FRMPD1: variants seen among roughly 807,000 people sequenced by gnomAD.
FRMPD1 encodes FERM and PDZ domain containing 1, also known as FERM and PDZ domain-containing protein 1.
Under a neutral mutation model 117.8 loss-of-function variants are expected in FRMPD1, and 76 were observed. The ratio of observed to expected loss-of-function variants is 0.65; its 90% CI spans 0.54 to 0.78. The LOEUF (loss-of-function observed/expected upper bound fraction) is 0.78, where lower values mean the gene tolerates loss of function less well. FRMPD1 is among the 30% of genes least tolerant of loss of function. The pLI, the probability that FRMPD1 is intolerant of heterozygous loss-of-function variation, is 0.00. For missense variants in FRMPD1, 1,786 were observed against 1,964.5 expected (o/e 0.91, Z 1.72); for synonymous variants, 783 against 770.4 (o/e 1.02, Z -0.27).
chr9:37,645,221 C>G, the FRMPD1 span, among the ~76,000 whole-genome samples: 1 of 152,040 alleles, frequency 6.6e-6, no homozygotes, highest in African/African-American at 2.4e-5. Flanking sequence ...AGATTTATCA[C>G]TTAAGGAATG....
At chr9:37,698,165 G>T (rs757033125) in intron 2 of FRMPD1, among the ~76,000 whole-genome samples, 1 of 152,042 alleles carries the variant, frequency 6.6e-6, no homozygotes, top group African/African-American at 2.4e-5. Flanking sequence ...CTTTTCCTTC[G>T]CAATTTCTTT....
At chr9:37,655,575 C>T (rs1820817248) in intron 1 of FRMPD1, among the ~76,000 whole-genome samples, 1 of 146,408 alleles carries the variant, frequency 6.8e-6, no homozygotes, top group Admixed American at 7.0e-5. Context: ...GCGATCTCGG[C>T]TCACTGCAAC....
intron 15 of FRMPD1, among the ~76,000 whole-genome samples, chr9:37,742,936 C>A (rs1419623083): frequency 6.6e-6 from 1 of 152,142 alleles, no homozygotes; most frequent in East Asian, 1.9e-4. Context: ...CCTTATAGAT[C>A]CCTAGGCCCT....
chr9:37,670,256 C>A (rs372467234), intron 1 of FRMPD1, among the ~76,000 whole-genome samples: 1 of 151,968 alleles, frequency 6.6e-6, no homozygotes, highest in East Asian at 1.9e-4. Flanking sequence ...CTGGGGGAGA[C>A]GTATTCGAGT....
chr9:37,740,897 T>G lies in FRMPD1; in HGVS notation c.2356+13T>G. The G allele has an allele frequency of 6.2e-7, 1 of 1,607,264 alleles. No individual in the cohort carries two copies. ...GGCCCCCCGTCAGGTGAGCCGTCCC[T>G]TGCAGGTCTGCAGACACGGCAGGCA... On this transcript the variant is annotated intron_variant, in intron 15 of 15. Coordinates refer to ENST00000377765, the MANE Select transcript of FRMPD1 (RefSeq NM_014907.3). The surrounding 1 kb of genome is among the most constrained non-coding windows in gnomAD (Gnocchi z 4.2).
At chr9:37,701,444 A>G (rs17507277) in intron 2 of FRMPD1, among the ~76,000 whole-genome samples, 21,157 of 151,902 alleles carry the variant, frequency 0.14, 1,680 homozygotes, top group Middle Eastern at 0.19. Context: ...GGGCAGGTAG[A>G]CAGCATGATT....
intron 1 of FRMPD1, among the ~76,000 whole-genome samples, chr9:37,670,923 T>C (rs10973481): frequency 0.1 from 15,883 of 152,278 alleles, 1,259 homozygotes; most frequent in African/African-American, 0.22. Context: ...GCATAGTTTA[T>C]TGTCTGGGGA....
chr9:37,661,668 G>A (rs1339189593), intron 1 of FRMPD1: 1 of 152,236 alleles, frequency 6.6e-6, no homozygotes, highest in African/African-American at 2.4e-5. Flanking sequence ...ACCTCTCTGT[G>A]TGAATTTGAA....
Position 37,745,006 on chromosome 9 carries a change from C to T in FRMPD1, c.2974C>T (p.Leu992=), listed in dbSNP as rs1824623304. The stretch of plus-strand genomic sequence containing the variant: ...GGCAAGGCCTTCCCAAATCTTACCT[C>T]TATCTCAAGACCTGGATGGGATTGC... ...AQARPSQILP[L]SQDLDGIAPK... is the part of the protein sequence containing the mutation. Residue 992 remains leucine (L), a synonymous_variant, in exon 16 of 16, where the codon CTA becomes TTA. Transcript: ENST00000377765. The T allele has an allele frequency of 1.2e-6, 2 of 1,614,230 alleles. No homozygotes were observed. The highest frequency in any genetic ancestry group is 2.2e-5 in the South Asian group (2 of 91,088).
At chr9:37,670,106 C>G (rs1049225640) in intron 1 of FRMPD1, 4 of 152,070 alleles carry the variant, frequency 2.6e-5, no homozygotes, top group African/African-American at 7.2e-5. Flanking sequence ...GCGTTTAAAA[C>G]TTGCTACTTC....
At chr9:37,648,868 G>A (rs1820585930), upstream of FRMPD1, among the ~76,000 whole-genome samples, 1 of 152,164 alleles carries the variant, frequency 6.6e-6, no homozygotes, top group African/African-American at 2.4e-5. Flanking sequence ...GCAGGCAGTT[G>A]TGTCTCTGGG....
intron 1 of FRMPD1, among the ~76,000 whole-genome samples, chr9:37,682,907 T>C (rs951960878): frequency 2.0e-5 from 3 of 152,222 alleles, no homozygotes; most frequent in African/African-American, 7.2e-5. Flanking sequence ...TACCATCAAA[T>C]TGACCCTTTA....
At chr9:37,688,620 A>T (rs1348404824) in intron 1 of FRMPD1, among the ~76,000 whole-genome samples, 1 of 152,124 alleles carries the variant, frequency 6.6e-6, no homozygotes, top group Non-Finnish European at 1.5e-5. Context: ...AGCTTTCATA[A>T]TAGTGAGAAA....
chr9:37,741,328 G>A (rs527461206), intron 15 of FRMPD1, among the ~76,000 whole-genome samples: 9 of 151,966 alleles, frequency 5.9e-5, no homozygotes, highest in African/African-American at 1.9e-4. Context: ...GCCTTCTGGG[G>A]TCCAAGGGAC....
chr9:37,630,649 G>A, the FRMPD1 span, among the ~76,000 whole-genome samples: 1 of 152,108 alleles, frequency 6.6e-6, no homozygotes, highest in African/African-American at 2.4e-5. Flanking sequence ...CCAATGTGCT[G>A]AGGTGGTCAG....
intron 1 of FRMPD1, among the ~76,000 whole-genome samples, chr9:37,690,935 C>G (rs1403108370): frequency 6.6e-6 from 1 of 152,104 alleles, no homozygotes; most frequent in Non-Finnish European, 1.5e-5. Context: ...AACTCACACC[C>G]ACAGTAATGG....
At position 37,708,461 on chromosome 9, in the gene FRMPD1, G is replaced by T. The variant is rs755674629; in HGVS notation, c.322G>T (p.Ala108Ser). Residue 108 changes from alanine (A) to serine (S), a missense_variant, in exon 4 of 16, where the codon GCT (alanine) becomes TCT (serine). Coordinates refer to ENST00000377765, the MANE Select transcript of FRMPD1 (RefSeq NM_014907.3). ...GATCCTCCAAATGAACAATGAGCCT[G>T]CTGAAGACCTTTCCTGGGAACGAGC... ...DQILQMNNEPAEDLSWERAVD... is the reference protein window; with the variant it reads ...DQILQMNNEPSEDLSWERAVD... 3 of 1,612,772 alleles carry T rather than the reference G, an allele frequency of 1.9e-6. No homozygotes were observed. The highest frequency in any genetic ancestry group is 1.7e-5 in the Admixed American group (1 of 60,004).
chr9:37,620,831 A>G, the FRMPD1 span, among the ~76,000 whole-genome samples: 1 of 152,004 alleles, frequency 6.6e-6, no homozygotes, highest in Non-Finnish European at 1.5e-5. Flanking sequence ...CTTCTTTACT[A>G]TAATATTTTA....
At chr9:37,614,468 C>T in the FRMPD1 span, among the ~76,000 whole-genome samples, 9 of 152,250 alleles carry the variant, frequency 5.9e-5, no homozygotes, top group African/African-American at 1.4e-4. Flanking sequence ...CAGTTCCTTC[C>T]GTAGTGTTTC....
Sources: allele counts gnomAD v4.1 joint callset (sites outside exome capture counted in the v4.1 genomes callset), GRCh38; gene constraint gnomAD v4.1.1; non-coding constraint Gnocchi (gnomAD v3.1); transcripts MANE v1.5; gene names NCBI Gene and HGNC (gene_info 2026-07-23, HGNC 2026-07-21).